The following PLEKHB2 variants were observed in gnomAD, a reference collection of about 807,000 sequenced individuals.
PLEKHB2 encodes pleckstrin homology domain-containing family B member 2.
PLEKHB2 carries 31 observed loss-of-function variants against 36.5 expected under a neutral mutation model. The observed-to-expected ratio is 0.85, with a 90% CI of 0.64 to 1.15. The LOEUF (loss-of-function observed/expected upper bound fraction) is 1.15. Among genes scored for constraint, PLEKHB2 ranks in the 50% most tolerant of loss-of-function variants. PLEKHB2 has a pLI of 0.00. For missense variants in PLEKHB2, 262 were observed against 295.3 expected (o/e 0.89, Z 0.83); for synonymous variants, 119 against 112.0 (o/e 1.06, Z -0.39).
chr2:131,144,481 G>T, intron 7 of PLEKHB2: 3 of 1,007,616 alleles, frequency 3.0e-6, no homozygotes, highest in South Asian at 5.0e-5. Context: ...TAGATTTGGG[G>T]ACTATAGTCC....
chr2:131,133,161 A>G (rs1271921804), intron 6 of PLEKHB2, 170 bp downstream of exon 6: 7 of 604,172 alleles, frequency 1.2e-5, no homozygotes, highest in South Asian at 8.4e-5. Flanking sequence ...ACTATTTTAT[A>G]TAGTTCAGCA....
intron 1 of PLEKHB2, among the ~76,000 whole-genome samples, chr2:131,116,635 C>T (rs1054761465): frequency 1.3e-5 from 2 of 152,158 alleles, no homozygotes; most frequent in African/African-American, 4.8e-5. Flanking sequence ...GGATAGTTGC[C>T]ACCGTGATCC....
At chr2:131,106,656 G>C (rs1694768110) in intron 1 of PLEKHB2, among the ~76,000 whole-genome samples, 1 of 152,090 alleles carries the variant, frequency 6.6e-6, no homozygotes, top group East Asian at 1.9e-4. Flanking sequence ...ACCCTGGGCT[G>C]GTTGGCTGGA....
intron 1 of PLEKHB2, among the ~76,000 whole-genome samples, chr2:131,111,472 T>A (rs1471904721): frequency 6.6e-6 from 1 of 151,132 alleles, no homozygotes; most frequent in African/African-American, 2.4e-5. Context: ...TTGAGAGCTC[T>A]GAATATTTCT....
At chr2:131,127,062 G>A (rs943463349) in intron 4 of PLEKHB2, 4 of 305,874 alleles carry the variant, frequency 1.3e-5, no homozygotes, top group Non-Finnish European at 2.4e-5. Flanking sequence ...TGGGTAACGG[G>A]CATAGTTGAA....
chr2:131,143,398 A>G (rs967318870), intron 7 of PLEKHB2, among the ~76,000 whole-genome samples: 1 of 152,244 alleles, frequency 6.6e-6, no homozygotes, highest in Non-Finnish European at 1.5e-5. Context: ...CACTGGCTTC[A>G]GCAGTTAACC....
chr2:131,116,201 A>G lies in PLEKHB2; in HGVS notation c.-8-4733A>G, dbSNP rs200645512. 3.9e-5 allele frequency among the ~76,000 whole-genome samples: 6 copies of G among 152,232 alleles called. No homozygotes were observed. The East Asian group carries it at 1.2e-3, about 29-fold the overall frequency. On this transcript the variant is annotated intron_variant, in intron 1 of 7. Transcript: ENST00000693505. ...TTTATAATGTCCTCTAGATGTAGAC[A>G]TTTCCATTTCTTTTTTCTTTTTGAA...
At chr2:131,121,629 C>G (rs2104840009) in intron 2 of PLEKHB2, among the ~76,000 whole-genome samples, 1 of 152,300 alleles carries the variant, frequency 6.6e-6, no homozygotes, top group South Asian at 2.1e-4. Flanking sequence ...AGGTGCTGGT[C>G]TCTCTGCCTG....
At chr2:131,127,951 C>T (rs1697262783) in intron 4 of PLEKHB2, among the ~76,000 whole-genome samples, 1 of 152,186 alleles carries the variant, frequency 6.6e-6, no homozygotes, top group South Asian at 2.1e-4. Context: ...CTGAAGCTCA[C>T]AGGAGTTGGG....
intron 1 of PLEKHB2, 193 bp from the exon 2 acceptor site, chr2:131,120,741 G>A: frequency 3.1e-6 from 2 of 654,418 alleles, no homozygotes; most frequent in Non-Finnish European, 5.6e-6. Flanking sequence ...TGGGAGGAAG[G>A]GAGGGGGTAC....
chr2:131,146,652 A>G lies in PLEKHB2; in HGVS notation c.548A>G (p.Gln183Arg). ...QYPYAGLYGQ[Q>R]PANQVIIRER... ...TCTCTTTTAGGACTTTATGGACAGC[A>G]GCCTGCTAACCAAGTCATCATTCGA... The change falls in exon 8 of 8, where the codon CAG becomes CGG. Residue 183 changes from glutamine to arginine, a missense_variant. By Grantham distance (43) the Gln-to-Arg change is conservative. Coordinates refer to ENST00000693505, the MANE Select transcript of PLEKHB2 (RefSeq NM_001100623.2). 1 of 1,612,900 alleles carries G rather than the reference A, an allele frequency of 6.2e-7. No individual in the cohort carries two copies. Among genetic ancestry groups the G allele is most frequent in the South Asian group, 1.1e-5 (1 of 90,740 alleles).
intron 1 of PLEKHB2, among the ~76,000 whole-genome samples, chr2:131,116,696 A>G (rs954265880): frequency 6.6e-6 from 1 of 152,318 alleles, no homozygotes; most frequent in South Asian, 2.1e-4. Context: ...ACAATTCCAC[A>G]TGAGATTTTG....
chr2:131,121,216 C>G (rs1474282092), intron 2 of PLEKHB2, among the ~76,000 whole-genome samples: 1 of 152,004 alleles, frequency 6.6e-6, no homozygotes, highest in Non-Finnish European at 1.5e-5. Flanking sequence ...TGCTTTCGCT[C>G]TCCTCACTAG....
At chr2:131,144,444 C>A in intron 7 of PLEKHB2, 1 of 1,221,260 alleles carries the variant, frequency 8.2e-7, no homozygotes, top group Non-Finnish European at 1.0e-6. Context: ...ACTGCAGTTT[C>A]CAGGGGTAAG....
chr2:131,139,327 A>G (rs1232950560), intron 6 of PLEKHB2, among the ~76,000 whole-genome samples: 1 of 152,120 alleles, frequency 6.6e-6, no homozygotes, highest in Non-Finnish European at 1.5e-5. Flanking sequence ...TATAATGACC[A>G]GAGATTGTAG....
chr2:131,136,060 ATATT>A (rs1698212820), intron 6 of PLEKHB2, among the ~76,000 whole-genome samples: 1 of 151,618 alleles, frequency 6.6e-6, no homozygotes, highest in African/African-American at 2.4e-5. Flanking sequence ...GAGGTTTTTT[ATATT>A]TATTCTTTAT....
chr2:131,114,371 T>C (rs1375141258), intron 1 of PLEKHB2, among the ~76,000 whole-genome samples: 2 of 152,096 alleles, frequency 1.3e-5, no homozygotes, highest in African/African-American at 2.4e-5. Flanking sequence ...TGATCCACCC[T>C]CCTCAGCCTC....
At chr2:131,133,274 G>A (rs1344774711) in intron 6 of PLEKHB2, among the ~76,000 whole-genome samples, 3 of 152,156 alleles carry the variant, frequency 2.0e-5, no homozygotes, top group Non-Finnish European at 2.9e-5. Context: ...TTGATGATCT[G>A]TAGTTTATAT....
chr2:131,110,610 C>T (rs760197363), intron 1 of PLEKHB2, among the ~76,000 whole-genome samples: 66 of 152,116 alleles, frequency 4.3e-4, no homozygotes, highest in Non-Finnish European at 5.0e-4. Flanking sequence ...TGGGCTGAAG[C>T]GATTCTCCCA....
Sources: gnomAD v4.1 joint callset for allele counts (sites outside exome capture counted in the v4.1 genomes callset) on GRCh38, gnomAD v4.1.1 for gene constraint, MANE v1.5 for transcripts, NCBI Gene and HGNC (gene_info 2026-07-23, HGNC 2026-07-21) for gene names.